Variants in TNRC6B observed in about 807,000 individuals in gnomAD.
TNRC6B encodes trinucleotide repeat containing adaptor 6B, also known as trinucleotide repeat-containing gene 6B protein.
A neutral mutation model predicts 203.6 loss-of-function variants in TNRC6B; 52 were observed. That is an observed-to-expected ratio of 0.26 (90% CI 0.20 to 0.32). The LOEUF is 0.32. TNRC6B is among the 10% of genes least tolerant of loss of function. The pLI, the probability that TNRC6B is intolerant of heterozygous loss-of-function variation, is 1.00. For synonymous variants in TNRC6B, 838 were observed against 845.7 expected, an observed-to-expected ratio of 0.99 and a Z score of 0.16; for missense variants, 1,923 against 2,286.2, an observed-to-expected ratio of 0.84 and a Z score of 3.24.
intron 1 of TNRC6B, among the ~76,000 whole-genome samples, chr22:40,061,601 A>G (rs1345272881): frequency 6.9e-6 from 1 of 144,286 alleles, no homozygotes; most frequent in Non-Finnish European, 1.5e-5. Context: ...ACTTGCTCAT[A>G]TATTATTTAT....
intron 1 of TNRC6B, among the ~76,000 whole-genome samples, chr22:40,235,106 G>C (rs5750909): frequency 0.32 from 48,708 of 152,106 alleles, 9,583 homozygotes; most frequent in East Asian, 0.57. Context: ...AGTTATAATT[G>C]GCAATGGTTT....
chr22:40,257,712 G>A (rs562624536), intron 3 of TNRC6B, among the ~76,000 whole-genome samples: 12 of 148,880 alleles, frequency 8.1e-5, no homozygotes, highest in African/African-American at 2.7e-4. Context: ...GCGAAACTCC[G>A]CCTCAAAAAA....
rs2071426051 is a variant in TNRC6B, at chr22:40,328,214, C to T, written c.*4973C>T. On this transcript the variant is annotated 3_prime_UTR_variant, in exon 23 of 23. Coordinates refer to ENST00000454349, the MANE Select transcript of TNRC6B (RefSeq NM_001162501.2). Reference sequence around the variant, plus strand: ...AAGGTTCCAAACCAAATTATTTAATCAGTGTCCCCCCAATAAATCACTTAT... The same window carrying T: ...AAGGTTCCAAACCAAATTATTTAATTAGTGTCCCCCCAATAAATCACTTAT... The T allele has an allele frequency of 6.6e-6, 1 of 152,348 alleles. No homozygotes were observed. Among genetic ancestry groups the T allele is most frequent in the African/African-American group, 2.4e-5 (1 of 41,572 alleles). 9.4% of individuals were successfully genotyped at this position (152,348 alleles called of 1,614,324 possible).
intron 1 of TNRC6B, among the ~76,000 whole-genome samples, chr22:40,097,985 T>C (rs2068198811): frequency 6.6e-6 from 1 of 152,110 alleles, no homozygotes; most frequent in Non-Finnish European, 1.5e-5. Context: ...GGCTGGCTCT[T>C]ATTTTAATCT....
At chr22:40,195,549 A>T (rs1380274818) in intron 1 of TNRC6B, among the ~76,000 whole-genome samples, 1 of 151,912 alleles carries the variant, frequency 6.6e-6, no homozygotes, top group Non-Finnish European at 1.5e-5. Context: ...TACAGCCTCA[A>T]ACTGGAGCCA....
intron 1 of TNRC6B, among the ~76,000 whole-genome samples, chr22:40,238,365 A>G (rs537847401): frequency 2.0e-5 from 3 of 152,230 alleles, no homozygotes; most frequent in African/African-American, 7.2e-5. Context: ...GAAGTTTTGC[A>G]TTTAGGTGCT....
intron 3 of TNRC6B, among the ~76,000 whole-genome samples, chr22:40,258,963 A>T (rs1179956708): frequency 6.6e-6 from 1 of 152,164 alleles, no homozygotes; most frequent in Non-Finnish European, 1.5e-5. Context: ...CTTATAATGA[A>T]GATTCTTGAC....
chr22:40,311,849 G>C (rs2071188812), intron 17 of TNRC6B, among the ~76,000 whole-genome samples: 1 of 152,124 alleles, frequency 6.6e-6, no homozygotes, highest in African/African-American at 2.4e-5. Context: ...GGCCAAAGTA[G>C]AACTGTATAA....
At chr22:40,294,360 T>C (rs527949555) in intron 12 of TNRC6B, among the ~76,000 whole-genome samples, 4 of 152,334 alleles carry the variant, frequency 2.6e-5, no homozygotes, top group East Asian at 1.9e-4. Flanking sequence ...CATCATCCGA[T>C]GTTCTCCCGT....
In TNRC6B at chr22:40,203,413, C is replaced by G. The variant is rs186703874; in HGVS notation, c.5+25273C>G. ...GTCACCTTCATGAGAGTACTCCTTG[C>G]GTCTGCTTTAATCTCTTCCAGGTAT... On this transcript the variant is annotated intron_variant, in intron 1 of 22. Coordinates refer to ENST00000454349, the MANE Select transcript of TNRC6B (RefSeq NM_001162501.2). 1.5e-3 allele frequency among the ~76,000 whole-genome samples: 223 copies of G among 152,128 alleles called. 4 individuals carry two copies. The highest frequency in any genetic ancestry group is 3.9e-4 in the East Asian group (2 of 5,178).
intron 1 of TNRC6B, among the ~76,000 whole-genome samples, chr22:40,205,209 T>C (rs2146412969): frequency 6.6e-6 from 1 of 152,342 alleles, no homozygotes; most frequent in East Asian, 1.9e-4. Flanking sequence ...ATTCACTGAT[T>C]ACCTCAAGCA....
intron 3 of TNRC6B, among the ~76,000 whole-genome samples, chr22:40,144,720 A>G: frequency 6.6e-6 from 1 of 151,766 alleles, no homozygotes; most frequent in South Asian, 2.1e-4. Flanking sequence ...GTGTAACAAC[A>G]TGGATAAATC....
intron 1 of TNRC6B, among the ~76,000 whole-genome samples, chr22:40,099,836 C>T (rs371306562): frequency 2.6e-5 from 4 of 152,144 alleles, no homozygotes; most frequent in South Asian, 2.1e-4. Flanking sequence ...CTACAAGCTC[C>T]GCCTCTCGGG....
At chr22:40,268,403 G>A (rs998219606) in intron 5 of TNRC6B, among the ~76,000 whole-genome samples, 5 of 152,056 alleles carry the variant, frequency 3.3e-5, no homozygotes, top group Non-Finnish European at 7.4e-5. Context: ...AGTTTTCTCC[G>A]AGTACACCTC....
At chr22:40,248,161 A>T (rs2070135382) in intron 2 of TNRC6B, among the ~76,000 whole-genome samples, 1 of 151,800 alleles carries the variant, frequency 6.6e-6, no homozygotes, top group Non-Finnish European at 1.5e-5. Context: ...ATGCCCTGTC[A>T]CTGAGGTTGC....
At chr22:40,171,885 G>C (rs117003628) in intron 4 of TNRC6B, among the ~76,000 whole-genome samples, 1,552 of 151,694 alleles carry the variant, frequency 0.01, 11 homozygotes, top group Non-Finnish European at 0.018. Flanking sequence ...TTTTTTGATG[G>C]AGTACCTCTC....
chr22:40,297,023 TAGATTATCAAGA>T (rs1369042984), intron 12 of TNRC6B, among the ~76,000 whole-genome samples: 1 of 152,200 alleles, frequency 6.6e-6, no homozygotes, highest in Non-Finnish European at 1.5e-5. Flanking sequence ...GGAAAGAATC[TAGATTATCAAGA>T]AGATTGCTTT....
At chr22:40,251,499 AC>A (rs1387032489) in intron 3 of TNRC6B, among the ~76,000 whole-genome samples, 1 of 152,192 alleles carries the variant, frequency 6.6e-6, no homozygotes, top group Admixed American at 6.5e-5. Context: ...AGGCTGGATC[AC>A]CTGAGGTCGG....
chr22:40,261,593 C>CA (rs1298651655), intron 3 of TNRC6B, among the ~76,000 whole-genome samples: 2 of 151,332 alleles, frequency 1.3e-5, no homozygotes, highest in Admixed American at 6.6e-5. Context: ...GACTCCGTCT[C>CA]AAAAATAAAT....
Sources: gnomAD v4.1 joint callset for allele counts (sites outside exome capture counted in the v4.1 genomes callset) on GRCh38, gnomAD v4.1.1 for gene constraint, MANE v1.5 for transcripts, NCBI Gene and HGNC (gene_info 2026-07-23, HGNC 2026-07-21) for gene names.